Variants in SNX29 observed in about 807,000 individuals in gnomAD.
The protein encoded by SNX29 is sorting nexin 29.
In SNX29, 78 loss-of-function variants were observed where a neutral mutation model predicts 102.1. The observed-to-expected ratio is 0.76, with a 90% CI of 0.64 to 0.92. SNX29 has a LOEUF of 0.92. Among genes scored for constraint, SNX29 ranks in the 40% least tolerant of loss-of-function variants. SNX29 has a pLI of 0.00. For synonymous variants in SNX29, 580 were observed against 414.5 expected, an observed-to-expected ratio of 1.40 and a Z score of -4.85; for missense variants, 1,280 against 1,061.7, an observed-to-expected ratio of 1.21 and a Z score of -2.86.
chr16:12,274,505 C>T (rs2079185634), intron 14 of SNX29, among the ~76,000 whole-genome samples: 1 of 151,708 alleles, frequency 6.6e-6, no homozygotes, highest in African/African-American at 2.4e-5. Context: ...GATCTCTTCT[C>T]CATTTGGACT....
intron 3 of SNX29, among the ~76,000 whole-genome samples, chr16:12,021,769 G>C (rs1001762681): frequency 6.6e-6 from 1 of 151,966 alleles, no homozygotes; most frequent in African/African-American, 2.4e-5. Context: ...GCCCGTGGCT[G>C]TAATCCCAGC....
At chr16:12,001,995 C>T (rs1284564671) in intron 2 of SNX29, among the ~76,000 whole-genome samples, 3 of 145,782 alleles carry the variant, frequency 2.1e-5, no homozygotes, top group African/African-American at 7.6e-5. Context: ...CCTTCAGCCT[C>T]GGTGACAGAG....
chr16:12,548,502 T>G (rs1455633101), intron 20 of SNX29, among the ~76,000 whole-genome samples: 2 of 152,318 alleles, frequency 1.3e-5, no homozygotes, highest in African/African-American at 4.8e-5. Flanking sequence ...AGGGTTGTCT[T>G]GTCTGGACCA....
chr16:12,183,497 T>C (rs917060771), intron 13 of SNX29, among the ~76,000 whole-genome samples: 1 of 152,156 alleles, frequency 6.6e-6, no homozygotes. Context: ...TGTATAGATA[T>C]GTATGTGTGT....
At chr16:12,470,048 G>A (rs1260395514) in intron 18 of SNX29, among the ~76,000 whole-genome samples, 1 of 152,154 alleles carries the variant, frequency 6.6e-6, no homozygotes, top group Non-Finnish European at 1.5e-5. Context: ...TAAATCGCAG[G>A]GCTTTTGTGA....
chr16:12,553,734 C>T (rs961217377), intron 20 of SNX29, among the ~76,000 whole-genome samples: 2 of 151,994 alleles, frequency 1.3e-5, no homozygotes, highest in South Asian at 4.2e-4. Flanking sequence ...ATTATATGCA[C>T]ATGCCACCAC....
intron 13 of SNX29, among the ~76,000 whole-genome samples, chr16:12,156,790 T>C (rs1031647580): frequency 1.3e-5 from 2 of 152,184 alleles, no homozygotes; most frequent in African/African-American, 4.8e-5. Flanking sequence ...GTCAGGAGAA[T>C]GGGAGTGCAG....
intron 20 of SNX29, among the ~76,000 whole-genome samples, chr16:12,563,294 C>T (rs79280058): frequency 0.042 from 6,389 of 152,138 alleles, 453 homozygotes; most frequent in African/African-American, 0.15. Context: ...ATCCACAGCT[C>T]GGAAAGTCTG....
At chr16:12,403,812 C>T (rs2084057248) in intron 18 of SNX29, among the ~76,000 whole-genome samples, 1 of 152,194 alleles carries the variant, frequency 6.6e-6, no homozygotes, top group Non-Finnish European at 1.5e-5. Flanking sequence ...TGTGTGTTTG[C>T]TTGTTTTGCA....
At chr16:12,352,084 A>G (rs1364374152) in intron 15 of SNX29, among the ~76,000 whole-genome samples, 1 of 152,222 alleles carries the variant, frequency 6.6e-6, no homozygotes, top group Non-Finnish European at 1.5e-5. Context: ...AAGGTGAGTG[A>G]TTTAAAAAAT....
intron 15 of SNX29, among the ~76,000 whole-genome samples, chr16:12,333,341 G>A (rs755098947): frequency 2.6e-5 from 4 of 151,824 alleles, no homozygotes; most frequent in South Asian, 2.1e-4. Flanking sequence ...TCCTGACCTC[G>A]TGATCTGCCT....
chr16:12,228,273 C>A (rs1356860678), intron 14 of SNX29, among the ~76,000 whole-genome samples: 1 of 152,246 alleles, frequency 6.6e-6, no homozygotes, highest in African/African-American at 2.4e-5. Context: ...CTCCCTTCCA[C>A]ACCCATGGCA....
At chr16:12,221,191 A>G (rs1392538844) in intron 14 of SNX29, among the ~76,000 whole-genome samples, 1 of 152,042 alleles carries the variant, frequency 6.6e-6, no homozygotes, top group Non-Finnish European at 1.5e-5. Context: ...AAGAATGGCA[A>G]ACTTGGCACT....
At chr16:12,534,281 C>G (rs993554651) in intron 20 of SNX29, among the ~76,000 whole-genome samples, 1 of 152,236 alleles carries the variant, frequency 6.6e-6, no homozygotes, top group Non-Finnish European at 1.5e-5. Context: ...CACCTGCCGT[C>G]TTTCTCCGTG....
intron 18 of SNX29, among the ~76,000 whole-genome samples, chr16:12,410,568 C>A (rs1372245553): frequency 7.9e-5 from 12 of 152,156 alleles, no homozygotes; most frequent in African/African-American, 2.9e-4. Flanking sequence ...GCCTCAGCCT[C>A]CTAAGTATCT....
intron 16 of SNX29, among the ~76,000 whole-genome samples, chr16:12,379,566 C>T (rs978044573): frequency 5.3e-5 from 8 of 152,232 alleles, no homozygotes; most frequent in Non-Finnish European, 1.0e-4. Flanking sequence ...AAAACATCTT[C>T]TCAAAGAGTC....
At chr16:12,351,079 C>G (rs917267289) in intron 15 of SNX29, among the ~76,000 whole-genome samples, 2 of 152,188 alleles carry the variant, frequency 1.3e-5, no homozygotes, top group African/African-American at 4.8e-5. Context: ...CTTCCTTGTC[C>G]TGACATTTGA....
intron 15 of SNX29, among the ~76,000 whole-genome samples, chr16:12,282,276 T>G (rs1339966156): frequency 6.6e-6 from 1 of 151,976 alleles, no homozygotes; most frequent in Non-Finnish European, 1.5e-5. Flanking sequence ...GGGGGAAAAC[T>G]AGTAGTAGAT....
intron 20 of SNX29, among the ~76,000 whole-genome samples, chr16:12,564,393 A>G (rs981246743): frequency 1.4e-5 from 2 of 139,376 alleles, no homozygotes; most frequent in African/African-American, 5.7e-5. Context: ...AACTGCATAA[A>G]TATGCATCAA....
Sources: gnomAD v4.1 joint callset for allele counts (sites outside exome capture counted in the v4.1 genomes callset) on GRCh38, gnomAD v4.1.1 for gene constraint, MANE v1.5 for transcripts, NCBI Gene and HGNC (gene_info 2026-07-23, HGNC 2026-07-21) for gene names.